ATG7: variants seen among roughly 807,000 people sequenced by gnomAD.
ATG7 encodes the protein ubiquitin-like modifier-activating enzyme ATG7.
Under a neutral mutation model 82.4 loss-of-function variants are expected in ATG7, and 70 were observed. The observed-to-expected ratio is 0.85, with a 90% CI of 0.70 to 1.04. ATG7 has a LOEUF of 1.04. ATG7 is among the 50% of genes least tolerant of loss of function. The pLI is 0.00. For missense variants in ATG7, 792 were observed against 864.3 expected, an observed-to-expected ratio of 0.92 and a Z score of 1.05; for synonymous variants, 287 against 313.0, an observed-to-expected ratio of 0.92 and a Z score of 0.88.
intron 18 of ATG7, among the ~76,000 whole-genome samples, chr3:11,373,314 C>T (rs1428624852): frequency 3.3e-5 from 5 of 152,138 alleles, no homozygotes; most frequent in Non-Finnish European, 7.4e-5. Flanking sequence ...TGTGGTGGTA[C>T]TATTTTTAGA....
intron 20 of ATG7, among the ~76,000 whole-genome samples, chr3:11,485,462 T>C (rs1234581807): frequency 6.6e-6 from 1 of 152,206 alleles, no homozygotes; most frequent in Non-Finnish European, 1.5e-5. Flanking sequence ...GATGAGTAGG[T>C]TGTGAAAATT....
chr3:11,299,698 G>A (rs114320717), intron 5 of ATG7, among the ~76,000 whole-genome samples: 2,681 of 152,162 alleles, frequency 0.018, 81 homozygotes, highest in African/African-American at 0.059. Context: ...GATTTTGATT[G>A]TAGTTAATAT....
intron 3 of ATG7, among the ~76,000 whole-genome samples, chr3:11,285,393 C>G (rs1943825656): frequency 6.6e-6 from 1 of 151,198 alleles, no homozygotes; most frequent in East Asian, 2.0e-4. Context: ...CCAGGCTGGT[C>G]TTGAACTCCT....
the ATG7 span, among the ~76,000 whole-genome samples, chr3:11,568,092 C>G: frequency 0.038 from 5,761 of 152,242 alleles, 374 homozygotes; most frequent in African/African-American, 0.13. The surrounding 1 kb of genome is among the most constrained non-coding windows in gnomAD (Gnocchi z 5.9). Flanking sequence ...CAGAAAGGCC[C>G]GGGAGGGGCT....
chr3:11,489,910 G>T (rs76089944), intron 20 of ATG7, among the ~76,000 whole-genome samples: 131,198 of 151,476 alleles, frequency 0.87, 57,187 homozygotes, highest in East Asian at 1. Context: ...TGTGGTCAAT[G>T]TTGGAATAGG....
intron 18 of ATG7, among the ~76,000 whole-genome samples, chr3:11,376,259 A>G (rs2077408734): frequency 1.3e-5 from 2 of 152,196 alleles, no homozygotes; most frequent in South Asian, 4.1e-4. Context: ...GATAGTGATG[A>G]TGGTTGCAAA....
chr3:11,492,194 CGCAGTATTAGGG>C (rs1016534320), intron 20 of ATG7, among the ~76,000 whole-genome samples: 11 of 152,178 alleles, frequency 7.2e-5, no homozygotes, highest in Non-Finnish European at 2.9e-5. Context: ...ATCGGAAAGG[CGCAGTATTAGGG>C]TGGGAGTGAC....
At chr3:11,452,384 C>CAAAAAAAAAA (rs34530409) in intron 20 of ATG7, among the ~76,000 whole-genome samples, 1 of 58,412 alleles carries the variant, frequency 1.7e-5, no homozygotes, top group Non-Finnish European at 2.8e-5. Context: ...GAACCTGTCT[C>CAAAAAAAAAA]AAAAAAAAAA....
downstream of ATG7, chr3:11,559,283 T>C (rs750565393): frequency 1.6e-5 from 23 of 1,482,796 alleles, no homozygotes; most frequent in Non-Finnish European, 2.0e-5. Flanking sequence ...AGAAGGGCTC[T>C]GCTGCCACTA....
rs941896847 is a variant in ATG7, at chr3:11,524,450, A to G, written c.2080-30361A>G. On this transcript the variant is annotated intron_variant, in intron 20 of 20. Transcript: ENST00000693202. ...AAAGCAGAATTCTAATAAAGAATGT[A>G]TAGTCTGTTTTTTATGCTTTAATAA... 5.3e-5 allele frequency among the ~76,000 whole-genome samples: 8 copies of G among 152,326 alleles called. No homozygotes were observed. In the East Asian group the frequency reaches 1.5e-3, roughly 29 times the overall value.
rs79845222 is a variant in ATG7 at position 11,283,753 on chromosome 3, C to A, written c.-11+1315C>A. Among the ~76,000 whole-genome samples the A allele has an allele frequency of 3.9e-5, 6 of 152,086 alleles. No homozygotes were observed. The East Asian group carries it at 1.2e-3, about 29-fold the overall frequency. ...AGGAGTTTGAGACCAGCCTGGCCAACAAAGCAAAACCCTACTAAAAATACA... is the reference window on the plus strand; with the variant it reads ...AGGAGTTTGAGACCAGCCTGGCCAAAAAAGCAAAACCCTACTAAAAATACA... On this transcript the variant is annotated intron_variant, in intron 3 of 20. Transcript: ENST00000693202.
chr3:11,281,160 G>C (rs554444766), intron 2 of ATG7, 58 bp downstream of exon 2: 10 of 152,204 alleles, frequency 6.6e-5, no homozygotes, highest in Non-Finnish European at 1.5e-4. Context: ...TTGGCCTCTT[G>C]TGATTACTTA....
At position 11,555,351 on chromosome 3, in the gene ATG7, G is replaced by C. The variant is rs1415990110; in HGVS notation, c.*508G>C. 1 of 155,430 alleles carries C rather than the reference G, an allele frequency of 6.4e-6. No individual in the cohort carries two copies. Among genetic ancestry groups the C allele is most frequent in the Non-Finnish European group, 1.4e-5 (1 of 70,336 alleles). The allele number at this position is 155,430 out of a possible 1,614,324, so 9.6% of individuals were successfully genotyped here. A position where few individuals can be genotyped will look rare whatever the true frequency, so the allele number is the denominator to read the frequency against. ...ACTGCACCCTGGCCCTGGTGGAGCG[G>C]GAGGAGGAGGAGAGCCGAGCTGGGT... is the stretch of plus-strand genomic sequence containing the variant. On this transcript the variant is annotated 3_prime_UTR_variant, in exon 21 of 21. Transcript: ENST00000693202.
chr3:11,311,230 G>A (rs1030113668), intron 7 of ATG7, among the ~76,000 whole-genome samples: 11 of 152,020 alleles, frequency 7.2e-5, no homozygotes, highest in African/African-American at 2.7e-4. Context: ...ATTTAATGGA[G>A]GTCATTTCTA....
intron 5 of ATG7, among the ~76,000 whole-genome samples, chr3:11,306,133 G>T (rs942789242): frequency 2.0e-5 from 3 of 151,994 alleles, no homozygotes; most frequent in African/African-American, 7.3e-5. Flanking sequence ...GAGGCCTTTG[G>T]GGGCAATGTA....
chr3:11,395,935 G>A (rs1420620832), intron 19 of ATG7, among the ~76,000 whole-genome samples: 2 of 85,134 alleles, frequency 2.3e-5, no homozygotes, highest in Non-Finnish European at 4.0e-5. Context: ...GCGAGACTCT[G>A]TCTCAAAAAA....
At chr3:11,461,663 AC>A (rs2086312521) in intron 20 of ATG7, among the ~76,000 whole-genome samples, 1 of 151,882 alleles carries the variant, frequency 6.6e-6, no homozygotes, top group African/African-American at 2.4e-5. Flanking sequence ...ACTATAATTA[AC>A]CCCCAGAAAC....
intron 5 of ATG7, among the ~76,000 whole-genome samples, chr3:11,301,708 G>A (rs932312443): frequency 4.1e-4 from 63 of 152,148 alleles, no homozygotes; most frequent in African/African-American, 1.5e-3. Flanking sequence ...AAGATATGAC[G>A]AGGAAACTAC....
At chr3:11,525,150 C>A (rs1409858085) in intron 20 of ATG7, among the ~76,000 whole-genome samples, 2 of 151,502 alleles carry the variant, frequency 1.3e-5, no homozygotes, top group African/African-American at 4.9e-5. Flanking sequence ...GATTGTCCTG[C>A]CTCAGCCTCA....
Sources: gnomAD v4.1 joint callset for allele counts (sites outside exome capture counted in the v4.1 genomes callset) on GRCh38, gnomAD v4.1.1 for gene constraint, Gnocchi (gnomAD v3.1) non-coding constraint, MANE v1.5 for transcripts, NCBI Gene and HGNC (gene_info 2026-07-23, HGNC 2026-07-21) for gene names.